The following S100A4 variants were observed in gnomAD, a reference collection of about 807,000 sequenced individuals.
S100A4 encodes S100 calcium binding protein A4, also known as protein S100-A4.
A neutral mutation model predicts 6.3 loss-of-function variants in S100A4; 4 were observed. The observed-to-expected ratio is 0.64, with a 90% CI of 0.31 to 1.46. The LOEUF is 1.46. Ranked by LOEUF, S100A4 falls within the 40% of genes most tolerant of loss-of-function variation. S100A4 has a pLI of 0.07. For missense variants in S100A4, 108 were observed against 120.8 expected, an observed-to-expected ratio of 0.89 and a Z score of 0.50; for synonymous variants, 44 against 47.6, an observed-to-expected ratio of 0.92 and a Z score of 0.32.
At chr1:153,544,960 G>T in intron 1 of S100A4, 151 bp from the exon 2 acceptor site, 1 of 869,344 alleles carries the variant, frequency 1.2e-6, no homozygotes, top group Non-Finnish European at 1.7e-6. Flanking sequence ...CCCCGCACCT[G>T]GCTGGGAGGG....
intron 1 of S100A4, 103 bp from the exon 2 acceptor site, chr1:153,544,912 A>G: frequency 6.9e-7 from 1 of 1,450,784 alleles, no homozygotes; most frequent in Non-Finnish European, 9.4e-7. Context: ...ACTTGGCGAG[A>G]CTCTGCTCCC....
At chr1:153,543,989 G>A in intron 2 of S100A4, 66 bp from the exon 3 acceptor site, 1 of 1,566,062 alleles carries the variant, frequency 6.4e-7, no homozygotes, top group South Asian at 1.1e-5. Flanking sequence ...ACCAGACCCA[G>A]TTTCTACTCC....
In S100A4 at chr1:153,544,414, T is replaced by C. The variant is rs151118574; in HGVS notation, c.141+240A>G. ...CACCTTGGGAAGTTACTTAGCACTCTGAGCTTAGTCTTCCCTTCAGTTAAG... is the reference window on the plus strand; with the variant it reads ...CACCTTGGGAAGTTACTTAGCACTCCGAGCTTAGTCTTCCCTTCAGTTAAG... On this transcript the variant is annotated intron_variant, in intron 2 of 2. Transcript: ENST00000368716. Among the ~76,000 whole-genome samples, 619 of 152,320 alleles carry C rather than the reference T, an allele frequency of 4.1e-3. 3 individuals carry two copies. The highest frequency in any genetic ancestry group is 0.014 in the African/African-American group (597 of 41,558).
chr1:153,544,948 G>GC (rs1273691870), intron 1 of S100A4, 139 bp from the exon 2 acceptor site: 7 of 1,042,584 alleles, frequency 6.7e-6, no homozygotes, highest in Non-Finnish European at 9.7e-6. Context: ...AGAGCAGTGG[G>GC]CCCCCGCACC....
rs1571237044 is a variant in S100A4, at chr1:153,543,698, T to C, written c.*61A>G. The C allele has an allele frequency of 7.2e-6, 11 of 1,521,176 alleles. No homozygotes were observed. Among genetic ancestry groups the C allele is most frequent in the South Asian group, 4.9e-5 (4 of 82,246 alleles). The allele number at this position is 1,521,176 out of a possible 1,614,324, so 94.2% of individuals were successfully genotyped here. A position where few individuals can be genotyped will look rare whatever the true frequency, so the allele number is the denominator to read the frequency against. ...AGGAGCCAGGGTGGAAAAAAAAAAGTGCCCACTGGCGACAGGGAGGGCCCC... is the reference window on the plus strand; with the variant it reads ...AGGAGCCAGGGTGGAAAAAAAAAAGCGCCCACTGGCGACAGGGAGGGCCCC... On this transcript the variant is annotated 3_prime_UTR_variant, in exon 3 of 3. Transcript: ENST00000368716.
Position 153,543,883 on chromosome 1 carries a change from T to C in S100A4, c.182A>G (p.Asn61Ser). Residue 61 changes from asparagine to serine, a missense_variant, in exon 3 of 3, where the codon AAC becomes AGC. Physicochemically the swap from Asn to Ser is conservative, Grantham distance 46. Coordinates refer to ENST00000368716, the MANE Select transcript of S100A4 (RefSeq NM_002961.3). The part of the protein sequence containing the change: ...DEAAFQKLMS[N>S]LDSNRDNEVD... ...CTCGTTGTCCCTGTTGCTGTCCAAG[T>C]TGCTCATCAGCTTCTGGAAAGCAGC... is the stretch of plus-strand genomic sequence containing the variant. 1 of 1,614,204 alleles carries C rather than the reference T, an allele frequency of 6.2e-7. No homozygotes were observed. Among genetic ancestry groups the C allele is most frequent in the Non-Finnish European group, 8.5e-7 (1 of 1,180,034 alleles).
intron 1 of S100A4, 138 bp from the exon 2 acceptor site, chr1:153,544,947 G>T: frequency 9.4e-7 from 1 of 1,061,886 alleles, no homozygotes; most frequent in Non-Finnish European, 1.4e-6. Flanking sequence ...CAGAGCAGTG[G>T]GCCCCCGCAC....
chr1:153,543,685 G>T lies in S100A4; in HGVS notation c.*74C>A. ...AGCACGTGTCTGAAGGAGCCAGGGT[G>T]GAAAAAAAAAAGTGCCCACTGGCGA... On this transcript the variant is annotated 3_prime_UTR_variant, in exon 3 of 3. Coordinates refer to ENST00000368716, the MANE Select transcript of S100A4 (RefSeq NM_002961.3). 1 of 1,448,120 alleles carries T rather than the reference G, an allele frequency of 6.9e-7. No homozygotes were observed. Among genetic ancestry groups the T allele is most frequent in the Non-Finnish European group, 9.5e-7 (1 of 1,052,604 alleles). 89.7% of individuals were successfully genotyped at this position (1,448,120 alleles called of 1,614,324 possible).
intron 1 of S100A4, 108 bp from the exon 2 acceptor site, chr1:153,544,917 GC>G: frequency 7.0e-7 from 1 of 1,425,348 alleles, no homozygotes. Flanking sequence ...GCGAGACTCT[GC>G]TCCCTCCCTG....
Position 153,543,716 on chromosome 1 carries a change from A to C in S100A4, c.*43T>G. 3.2e-6 allele frequency: 5 copies of C among 1,582,806 alleles called. No homozygotes were observed. The highest frequency in any genetic ancestry group is 4.3e-6 in the Non-Finnish European group (5 of 1,161,820). On this transcript the variant is annotated 3_prime_UTR_variant, in exon 3 of 3. Coordinates refer to ENST00000368716, the MANE Select transcript of S100A4 (RefSeq NM_002961.3). The stretch of plus-strand genomic sequence containing the variant: ...AAAAAAGTGCCCACTGGCGACAGGG[A>C]GGGCCCCAGCTGGCAGACCCCCCAA...
chr1:153,544,806 G>C lies in S100A4; in HGVS notation c.-12C>G, dbSNP rs201644269. ...AGAGGGCACGCCATGACAGCAGTCA[G>C]GATCTGGGAGCAGGAGGCACAGAGA... On this transcript the variant is annotated 5_prime_UTR_variant, in exon 2 of 3. Coordinates refer to ENST00000368716, the MANE Select transcript of S100A4 (RefSeq NM_002961.3). 6.2e-7 allele frequency: 1 copy of C among 1,614,150 alleles called. No homozygotes were observed. Among genetic ancestry groups the C allele is most frequent in the South Asian group, 1.1e-5 (1 of 91,078 alleles).
In S100A4 at chr1:153,544,908, C is replaced by T. The variant is rs111251438; in HGVS notation, c.-15-99G>A. On this transcript the variant is annotated intron_variant, in intron 1 of 2. Transcript: ENST00000368716. ...CTCCCATCCCTCCAGGAGCACTTGGCGAGACTCTGCTCCCTCCCTGGGGGA... is the reference window on the plus strand; with the variant it reads ...CTCCCATCCCTCCAGGAGCACTTGGTGAGACTCTGCTCCCTCCCTGGGGGA... 69 of 1,466,476 alleles carry T rather than the reference C, an allele frequency of 4.7e-5. No homozygotes were observed. The Admixed American group carries it at 4.7e-4, about 10-fold the overall frequency. The allele number at this position is 1,466,476 out of a possible 1,614,324, so 90.8% of individuals were successfully genotyped here.
At chr1:153,545,022 C>T (rs1665516597) in intron 1 of S100A4, 5 of 533,058 alleles carry the variant, frequency 9.4e-6, no homozygotes, top group Non-Finnish European at 1.3e-5. Context: ...GCAAGATCCG[C>T]TGCGCAAGCT....
chr1:153,543,752 G>A lies in S100A4; in HGVS notation c.*7C>T, dbSNP rs1295407025. 3.1e-6 allele frequency: 5 copies of A among 1,613,516 alleles called. No individual in the cohort carries two copies. The highest frequency in any genetic ancestry group is 4.2e-6 in the Non-Finnish European group (5 of 1,179,784). On this transcript the variant is annotated 3_prime_UTR_variant, in exon 3 of 3. Coordinates refer to ENST00000368716, the MANE Select transcript of S100A4 (RefSeq NM_002961.3). ...TGGCAGACCCCCCAACCACATCAGA[G>A]GAGTTTTCATTTCTTCCTGGGCTGC...
chr1:153,545,055 C>T (rs1036188652), intron 1 of S100A4: 2 of 449,218 alleles, frequency 4.5e-6, no homozygotes, highest in African/African-American at 2.0e-5. Context: ...GCAGCAAACT[C>T]CCAGGGCCTC....
chr1:153,543,625 C>T lies in S100A4; in HGVS notation c.*134G>A. ...GTCTCTCAAACCATCAGCCTCAAAA[C>T]TTCCAAGAATCTTTATTGAACTTGC... On this transcript the variant is annotated 3_prime_UTR_variant, in exon 3 of 3. Transcript: ENST00000368716. The T allele has an allele frequency of 2.1e-6, 2 of 930,924 alleles. No individual in the cohort carries two copies. Among genetic ancestry groups the T allele is most frequent in the African/African-American group, 3.3e-5 (2 of 60,498 alleles). 57.7% of individuals were successfully genotyped at this position (930,924 alleles called of 1,614,324 possible).
chr1:153,543,699 G>C lies in S100A4; in HGVS notation c.*60C>G. The C allele has an allele frequency of 2.0e-6, 3 of 1,524,304 alleles. No individual in the cohort carries two copies. Among genetic ancestry groups the C allele is most frequent in the South Asian group, 1.2e-5 (1 of 83,638 alleles). The allele number at this position is 1,524,304 out of a possible 1,614,324, so 94.4% of individuals were successfully genotyped here. ...GGAGCCAGGGTGGAAAAAAAAAAGT[G>C]CCCACTGGCGACAGGGAGGGCCCCA... On this transcript the variant is annotated 3_prime_UTR_variant, in exon 3 of 3. Transcript: ENST00000368716.
chr1:153,544,800 C>T lies in S100A4; in HGVS notation c.-6G>A, dbSNP rs1233379800. ...TTCTCCAGAGGGCACGCCATGACAG[C>T]AGTCAGGATCTGGGAGCAGGAGGCA... On this transcript the variant is annotated 5_prime_UTR_variant, in exon 2 of 3. Coordinates refer to ENST00000368716, the MANE Select transcript of S100A4 (RefSeq NM_002961.3). 1 of 1,614,168 alleles carries T rather than the reference C, an allele frequency of 6.2e-7. No homozygotes were observed.
chr1:153,544,626 G>A, intron 2 of S100A4, 28 bp downstream of exon 2: 1 of 1,613,876 alleles, frequency 6.2e-7, no homozygotes, highest in South Asian at 1.1e-5. Flanking sequence ...GCCCCACGTG[G>A]GGACTCACTC....
Sources: allele counts gnomAD v4.1 joint callset (sites outside exome capture counted in the v4.1 genomes callset), GRCh38; gene constraint gnomAD v4.1.1; transcripts MANE v1.5; gene names NCBI Gene and HGNC (gene_info 2026-07-23, HGNC 2026-07-21).